The following PLD5 variants were observed in gnomAD, a reference collection of about 807,000 sequenced individuals.
PLD5 encodes inactive phospholipase D5.
In PLD5, 36 loss-of-function variants were observed where a neutral mutation model predicts 61.1. The ratio of observed to expected loss-of-function variants is 0.59; its 90% CI spans 0.45 to 0.78. The LOEUF is 0.78. Among genes scored for constraint, PLD5 ranks in the 30% least tolerant of loss-of-function variants. The pLI, the probability that PLD5 is intolerant of heterozygous loss-of-function variation, is 0.00. For synonymous variants in PLD5, 243 were observed against 242.8 expected, an observed-to-expected ratio of 1.00 and a Z score of -0.01; for missense variants, 515 against 644.4, an observed-to-expected ratio of 0.80 and a Z score of 2.17.
intron 1 of PLD5, among the ~76,000 whole-genome samples, chr1:242,412,646 C>G (rs1223567734): frequency 6.6e-6 from 1 of 152,128 alleles, no homozygotes; most frequent in Non-Finnish European, 1.5e-5. Flanking sequence ...TTATTTGTAT[C>G]AAGGGTGTTT....
chr1:242,425,099 T>C (rs2102878348), intron 1 of PLD5, among the ~76,000 whole-genome samples: 1 of 152,282 alleles, frequency 6.6e-6, no homozygotes, highest in South Asian at 2.1e-4. Context: ...GCCATTGCAC[T>C]CCAGCCTGGG....
At chr1:242,264,721 G>A (rs953320258) in intron 4 of PLD5, among the ~76,000 whole-genome samples, 14 of 151,998 alleles carry the variant, frequency 9.2e-5, no homozygotes, top group African/African-American at 3.1e-4. Flanking sequence ...ATAAATTCCA[G>A]GGAACAATTT....
In PLD5 at chr1:242,421,922, T is replaced by C. The variant is rs112702535; in HGVS notation, c.190-73680A>G. On this transcript the variant is annotated intron_variant, in intron 1 of 9. Transcript: ENST00000536534. ...AACAGTATGTGTCCAGAGGATACCA[T>C]GTTTTCCTAAAGCAGGGCATGCGCC... Among the ~76,000 whole-genome samples, 982 of 152,356 alleles carry C rather than the reference T, an allele frequency of 6.4e-3. 6 individuals carry two copies. Among genetic ancestry groups the C allele is most frequent in the Admixed American group, 0.014 (220 of 15,300 alleles).
At chr1:242,137,780 G>C (rs529691448) in intron 5 of PLD5, among the ~76,000 whole-genome samples, 1 of 152,204 alleles carries the variant, frequency 6.6e-6, no homozygotes, top group African/African-American at 2.4e-5. Flanking sequence ...CAATGGCAGA[G>C]AAAGCTGCTC....
intron 4 of PLD5, among the ~76,000 whole-genome samples, chr1:242,233,015 G>C (rs540401918): frequency 6.6e-6 from 1 of 152,076 alleles, no homozygotes; most frequent in Non-Finnish European, 1.5e-5. Flanking sequence ...TTAGCCAGGC[G>C]TGGTGGCAGG....
intron 1 of PLD5, among the ~76,000 whole-genome samples, chr1:242,423,255 T>C (rs58990518): frequency 0.071 from 10,740 of 152,154 alleles, 533 homozygotes; most frequent in Admixed American, 0.15. Context: ...GGAATGGCTA[T>C]GCACAGCAGA....
intron 1 of PLD5, among the ~76,000 whole-genome samples, chr1:242,493,955 C>T (rs1291882717): frequency 2.0e-5 from 3 of 152,212 alleles, no homozygotes; most frequent in Middle Eastern, 3.2e-3. Context: ...CCTAAAATAT[C>T]GCTCTTGAGA....
At chr1:242,293,153 A>C (rs1348967377) in intron 2 of PLD5, among the ~76,000 whole-genome samples, 1 of 152,218 alleles carries the variant, frequency 6.6e-6, no homozygotes, top group Admixed American at 6.5e-5. Flanking sequence ...AAAAAAGAGA[A>C]TAGAGTCAAA....
At chr1:242,459,272 T>G (rs1043633184) in intron 1 of PLD5, among the ~76,000 whole-genome samples, 3 of 152,158 alleles carry the variant, frequency 2.0e-5, no homozygotes, top group African/African-American at 7.2e-5. Flanking sequence ...TGAAGATAAT[T>G]TAAGTTTAGA....
chr1:242,463,514 C>T (rs1245181104), intron 1 of PLD5, among the ~76,000 whole-genome samples: 3 of 152,188 alleles, frequency 2.0e-5, no homozygotes, highest in Non-Finnish European at 4.4e-5. Flanking sequence ...TCCTTGACCT[C>T]TCCCCAAACT....
chr1:242,476,726 C>G (rs1208073192), intron 1 of PLD5, among the ~76,000 whole-genome samples: 2 of 152,176 alleles, frequency 1.3e-5, no homozygotes, highest in African/African-American at 2.4e-5. Context: ...AACTGGAATT[C>G]AGATACTTCT....
intron 5 of PLD5, among the ~76,000 whole-genome samples, chr1:242,186,336 C>A (rs1281827046): frequency 1.3e-5 from 2 of 152,084 alleles, no homozygotes; most frequent in African/African-American, 4.8e-5. Flanking sequence ...GTGTCTGCCA[C>A]CATGCCCAGT....
At chr1:242,467,261 G>T (rs756372232) in intron 1 of PLD5, among the ~76,000 whole-genome samples, 2 of 152,012 alleles carry the variant, frequency 1.3e-5, no homozygotes, top group Non-Finnish European at 2.9e-5. Context: ...TTTACTAAAA[G>T]AAACTTTGTC....
intron 5 of PLD5, among the ~76,000 whole-genome samples, chr1:242,129,788 G>A (rs185468777): frequency 3.3e-4 from 50 of 152,082 alleles, no homozygotes; most frequent in Non-Finnish European, 7.4e-5. Context: ...CCTTCATCCC[G>A]CTCCTATGCT....
chr1:242,512,229 G>GA (rs575914135), intron 1 of PLD5, among the ~76,000 whole-genome samples: 1 of 150,652 alleles, frequency 6.6e-6, no homozygotes, highest in Admixed American at 6.6e-5. Context: ...GGCTAACACG[G>GA]TGAAACCTCG....
intron 5 of PLD5, among the ~76,000 whole-genome samples, chr1:242,162,392 A>C (rs1287527941): frequency 6.6e-6 from 1 of 152,206 alleles, no homozygotes; most frequent in Admixed American, 6.5e-5. Flanking sequence ...TTGAAAAGCC[A>C]CTAGGCAATG....
chr1:242,161,784 G>A lies in PLD5; in HGVS notation c.736-37119C>T, dbSNP rs551074571. On this transcript the variant is annotated intron_variant, in intron 5 of 9. Transcript: ENST00000536534. ...AGAAGAGATTATAAATGTCTAGCAG[G>A]GACTGTTAGAAATATATTTGGTGCC... Among the ~76,000 whole-genome samples the A allele has an allele frequency of 1.1e-4, 17 of 152,182 alleles. 1 individual carries two copies. Among genetic ancestry groups the A allele is most frequent in the Admixed American group, 6.5e-4 (10 of 15,288 alleles).
At chr1:242,325,327 C>T (rs1318132069) in intron 2 of PLD5, among the ~76,000 whole-genome samples, 1 of 142,656 alleles carries the variant, frequency 7.0e-6, no homozygotes, top group Non-Finnish European at 1.5e-5. Flanking sequence ...GGGCTGACTC[C>T]ATAGGTAAGG....
chr1:242,110,827 C>G (rs536322128), intron 7 of PLD5, among the ~76,000 whole-genome samples: 1 of 152,248 alleles, frequency 6.6e-6, no homozygotes, highest in East Asian at 1.9e-4. Flanking sequence ...CACACACACA[C>G]ACCAATGGTT....
Sources: allele counts gnomAD v4.1 joint callset (sites outside exome capture counted in the v4.1 genomes callset), GRCh38; gene constraint gnomAD v4.1.1; transcripts MANE v1.5; gene names NCBI Gene and HGNC (gene_info 2026-07-23, HGNC 2026-07-21).